The following RGMA variants were observed in gnomAD, a reference collection of about 807,000 sequenced individuals.
RGMA encodes the protein repulsive guidance molecule BMP co-receptor a.
A neutral mutation model predicts 23.2 loss-of-function variants in RGMA; 10 were observed. The observed-to-expected ratio is 0.43, with a 90% CI of 0.27 to 0.73. The LOEUF (loss-of-function observed/expected upper bound fraction) is 0.73, where lower values mean the gene tolerates loss of function less well. RGMA is among the 30% of genes least tolerant of loss of function. The pLI is 0.20. For synonymous variants in RGMA, 308 were observed against 279.3 expected (o/e 1.10, Z -1.03); for missense variants, 547 against 630.5 (o/e 0.87, Z 1.42).
Position 93,049,372 on chromosome 15 carries a change from C to T in RGMA, c.645+2621G>A, listed in dbSNP as rs186434703. 1.3e-4 allele frequency among the ~76,000 whole-genome samples: 20 copies of T among 152,260 alleles called. No individual in the cohort carries two copies. In the East Asian group the frequency reaches 2.9e-3, roughly 22 times the overall value. The stretch of plus-strand genomic sequence containing the variant: ...AAGTGCTATGGGGAAAACTAACCAG[C>T]GGGGAAAGGAAGGGGAAGGCGCAGG... On this transcript the variant is annotated intron_variant, in intron 3 of 3. Transcript: ENST00000329082.
At chr15:93,056,256 C>CA (rs1228025319) in intron 2 of RGMA, among the ~76,000 whole-genome samples, 4 of 152,188 alleles carry the variant, frequency 2.6e-5, no homozygotes, top group African/African-American at 9.6e-5. Flanking sequence ...GGCGACATTT[C>CA]CCCAGGATGG....
chr15:93,073,884 A>T, intron 1 of RGMA: 1 of 1,461,006 alleles, frequency 6.8e-7, no homozygotes, highest in South Asian at 1.4e-5. Flanking sequence ...CACAGCTGCC[A>T]CTCCAGAGAG....
At chr15:93,052,777 G>T (rs546992194) in intron 2 of RGMA, among the ~76,000 whole-genome samples, 13 of 152,330 alleles carry the variant, frequency 8.5e-5, no homozygotes, top group African/African-American at 2.2e-4. Flanking sequence ...CTAGGGAGTG[G>T]TCACTGTTTG....
At chr15:93,051,941 G>C in intron 3 of RGMA, 52 bp downstream of exon 3, 1 of 1,517,648 alleles carries the variant, frequency 6.6e-7, no homozygotes, top group Non-Finnish European at 8.9e-7. Context: ...TGTCCACGCA[G>C]GGCAGAGACA....
In RGMA at chr15:93,051,331, G is replaced by A. The variant is rs533832344; in HGVS notation, c.645+662C>T. 7.2e-5 allele frequency among the ~76,000 whole-genome samples: 11 copies of A among 152,318 alleles called. No homozygotes were observed. The South Asian group carries it at 2.1e-3, about 29-fold the overall frequency. ...AGGAAAACAGACCCACTGCCATTTC[G>A]CCAAGCTGGAAACCCCAGGGGGCAC... On this transcript the variant is annotated intron_variant, in intron 3 of 3. Transcript: ENST00000329082.
intron 1 of RGMA, among the ~76,000 whole-genome samples, chr15:93,082,625 T>G (rs1227432826): frequency 6.6e-6 from 1 of 152,214 alleles, no homozygotes; most frequent in Non-Finnish European, 1.5e-5. Context: ...GCTCATGCAT[T>G]AGAAAGGGGA....
In RGMA at chr15:93,080,394, G is replaced by C. The variant is rs886845332; in HGVS notation, c.15-7363C>G. 3.9e-5 allele frequency among the ~76,000 whole-genome samples: 6 copies of C among 151,962 alleles called. No homozygotes were observed. The South Asian group carries it at 8.3e-4, about 21-fold the overall frequency. ...TCTTTGGTATTTTTTGTGGAGATGG[G>C]GTTTTTGGCACATTCACCCAAACTT... On this transcript the variant is annotated intron_variant, in intron 1 of 3. Coordinates refer to ENST00000329082, the MANE Select transcript of RGMA (RefSeq NM_020211.3).
chr15:93,073,951 G>T, intron 1 of RGMA: 1 of 1,426,076 alleles, frequency 7.0e-7, no homozygotes, highest in Non-Finnish European at 9.1e-7. Context: ...CTCTCTGCGA[G>T]GCCCGCAAGG....
In RGMA at chr15:93,044,874, G is replaced by T; in HGVS notation, c.*124C>A. 2 of 777,612 alleles carry T rather than the reference G, an allele frequency of 2.6e-6. No individual in the cohort carries two copies. The highest frequency in any genetic ancestry group is 4.1e-6 in the Non-Finnish European group (2 of 488,134). 48.2% of individuals were successfully genotyped at this position (777,612 alleles called of 1,614,324 possible). A position where few individuals can be genotyped will look rare whatever the true frequency, so the allele number is the denominator to read the frequency against. On this transcript the variant is annotated 3_prime_UTR_variant, in exon 4 of 4. Coordinates refer to ENST00000329082, the MANE Select transcript of RGMA (RefSeq NM_020211.3). ...CGTGCCTGAGCCCTTGGCAGCAGGC[G>T]GTCCCTGGCGTTCTGCGGGGCCATG...
rs372095069 is a variant in RGMA, at chr15:93,045,053, C to T, written c.1298G>A (p.Arg433Gln). The change falls in exon 4 of 4, where the codon CGG (arginine) becomes CAG (glutamine). Residue 433 changes from arginine to glutamine, a missense_variant. Physicochemically the swap from Arg to Gln is conservative, Grantham distance 43 (BLOSUM62 1). This residue lies in a region of RGMA where 205 missense variants were observed against 204.1 expected (regional missense o/e 1.00). Coordinates refer to ENST00000329082, the MANE Select transcript of RGMA (RefSeq NM_020211.3). The surrounding 1 kb of genome is among the most constrained non-coding windows in gnomAD (Gnocchi z 6.9). ...CGGGACGAGGGCGCCCAGGAGGGGCCGGGGGGCCAGGGGCAGCCCCGCAGC... is the reference window on the plus strand; with the variant it reads ...CGGGACGAGGGCGCCCAGGAGGGGCTGGGGGGCCAGGGGCAGCCCCGCAGC... Reference protein sequence around the residue: ...RAAAGLPLAPRPLLGALVPLL... With the variant: ...RAAAGLPLAPQPLLGALVPLL... 156 of 1,577,356 alleles carry T rather than the reference C, an allele frequency of 9.9e-5. 2 individuals are homozygous for T. The East Asian group carries it at 2.0e-3, about 20-fold the overall frequency.
chr15:93,045,065 G>C lies in RGMA; in HGVS notation c.1286C>G (p.Pro429Arg), dbSNP rs768957334. The C allele has an allele frequency of 1.8e-5, 28 of 1,573,640 alleles. No homozygotes were observed. Among genetic ancestry groups the C allele is most frequent in the Non-Finnish European group, 2.4e-5 (28 of 1,159,700 alleles). The change falls in exon 4 of 4, where the codon CCC (proline) becomes CGC (arginine). Residue 429 changes from proline (P) to arginine (R), a missense_variant. Physicochemically the swap from Pro to Arg is moderately radical, Grantham distance 103. This residue lies in a region of RGMA where 205 missense variants were observed against 204.1 expected (regional missense o/e 1.00). Transcript: ENST00000329082. The surrounding 1 kb of genome is among the most constrained non-coding windows in gnomAD (Gnocchi z 6.9). Reference protein sequence around the residue: ...DLPGRAAAGLPLAPRPLLGAL... With the variant: ...DLPGRAAAGLRLAPRPLLGAL... Reference sequence around the variant, plus strand: ...GCCCAGGAGGGGCCGGGGGGCCAGGGGCAGCCCCGCAGCCGCCCTGCCTGG... The same window carrying C: ...GCCCAGGAGGGGCCGGGGGGCCAGGCGCAGCCCCGCAGCCGCCCTGCCTGG...
At chr15:93,080,690 T>C (rs1261812143) in intron 1 of RGMA, among the ~76,000 whole-genome samples, 1 of 152,202 alleles carries the variant, frequency 6.6e-6, no homozygotes, top group Non-Finnish European at 1.5e-5. Context: ...GGGGCCTTCC[T>C]GCTGGTTGGC....
chr15:93,067,775 T>C (rs2141834485), intron 2 of RGMA, among the ~76,000 whole-genome samples: 1 of 152,168 alleles, frequency 6.6e-6, no homozygotes, highest in Middle Eastern at 3.4e-3. Flanking sequence ...TTAGAGACCC[T>C]CCCTTCTGAT....
intron 1 of RGMA, among the ~76,000 whole-genome samples, chr15:93,086,023 A>G (rs563499047): frequency 5.9e-5 from 9 of 152,338 alleles, no homozygotes; most frequent in Middle Eastern, 3.4e-3. Flanking sequence ...CTGAGCAGTC[A>G]TTTGCTCAAA....
At chr15:93,072,800 C>G (rs1895373049) in intron 2 of RGMA, 116 bp downstream of exon 2, 3 of 1,119,024 alleles carry the variant, frequency 2.7e-6, no homozygotes, top group African/African-American at 1.6e-5. Flanking sequence ...AAATAGGAGG[C>G]GGGGTCCGGA....
chr15:93,086,392 GCTT>G, intron 1 of RGMA, among the ~76,000 whole-genome samples: 1 of 152,326 alleles, frequency 6.6e-6, no homozygotes, highest in Non-Finnish European at 1.5e-5. Flanking sequence ...TGGATGGCAG[GCTT>G]CTTGATGGAT....
At chr15:93,047,110 G>C (rs2054835950) in intron 3 of RGMA, among the ~76,000 whole-genome samples, 1 of 152,210 alleles carries the variant, frequency 6.6e-6, no homozygotes, top group Admixed American at 6.5e-5. Context: ...ATTAGACTCT[G>C]CGTTTCCAGA....
intron 1 of RGMA, among the ~76,000 whole-genome samples, chr15:93,079,544 G>T (rs1290108507): frequency 6.6e-6 from 1 of 152,180 alleles, no homozygotes; most frequent in Non-Finnish European, 1.5e-5. Flanking sequence ...TTCTGACCAG[G>T]TGCAGTGGCT....
chr15:93,082,699 GA>G (rs1322020453), intron 1 of RGMA, among the ~76,000 whole-genome samples: 1 of 152,190 alleles, frequency 6.6e-6, no homozygotes, highest in African/African-American at 2.4e-5. Context: ...TTTAAGAAGA[GA>G]AAAATTTCCG....
Sources: allele counts gnomAD v4.1 joint callset (sites outside exome capture counted in the v4.1 genomes callset), GRCh38; gene constraint gnomAD v4.1.1; regional missense constraint gnomAD v4.1.1; non-coding constraint Gnocchi (gnomAD v3.1); transcripts MANE v1.5; gene names NCBI Gene and HGNC (gene_info 2026-07-23, HGNC 2026-07-21).